The following DOK6 variants were observed in gnomAD, a reference collection of about 807,000 sequenced individuals.
The protein encoded by DOK6 is docking protein 6.
A neutral mutation model predicts 44.0 loss-of-function variants in DOK6; 22 were observed. The ratio of observed to expected loss-of-function variants is 0.50; its 90% CI spans 0.36 to 0.71. DOK6 has a LOEUF of 0.71. Ranked by LOEUF, DOK6 falls within the 30% of genes least tolerant of loss-of-function variation. The pLI is 0.00. For missense variants in DOK6, 340 were observed against 416.4 expected (o/e 0.82, Z 1.60); for synonymous variants, 166 against 145.5 (o/e 1.14, Z -1.01).
At chr18:69,612,680 TCTCTA>T (rs994702909) in intron 3 of DOK6, among the ~76,000 whole-genome samples, 2 of 150,910 alleles carry the variant, frequency 1.3e-5, no homozygotes, top group Non-Finnish European at 3.0e-5. Context: ...GTTCACGGTC[TCTCTA>T]CTCTGGCAGA....
rs146260182 is a variant in DOK6 at position 69,436,789 on chromosome 18, G to A, written c.66+35479G>A. Among the ~76,000 whole-genome samples, 15 of 152,264 alleles carry A rather than the reference G, an allele frequency of 9.9e-5. 1 individual carries two copies. The East Asian group carries it at 1.3e-3, about 14-fold the overall frequency. On this transcript the variant is annotated intron_variant, in intron 1 of 7. Transcript: ENST00000382713. ...ACACTCCCACCAACAGTGTGAAAGC[G>A]TTCATATTTCTCCACATCCTCTCCA... is the stretch of plus-strand genomic sequence containing the variant.
chr18:69,661,060 A>C (rs2144671889), intron 3 of DOK6: 1 of 152,306 alleles, frequency 6.6e-6, no homozygotes, highest in Admixed American at 6.5e-5. Flanking sequence ...ACATGTCAAA[A>C]CTCAGCAAAT....
intron 7 of DOK6, among the ~76,000 whole-genome samples, chr18:69,770,705 T>C (rs1324504566): frequency 6.6e-6 from 1 of 152,164 alleles, no homozygotes; most frequent in Non-Finnish European, 1.5e-5. Context: ...CTTTTCATTA[T>C]TGCTTTTCCA....
intron 1 of DOK6, among the ~76,000 whole-genome samples, chr18:69,497,590 T>C (rs558542305): frequency 2.0e-5 from 3 of 152,346 alleles, no homozygotes; most frequent in Admixed American, 6.5e-5. Flanking sequence ...GAACTCCAAG[T>C]TGATAGTCAT....
chr18:69,436,888 C>T (rs1207028647), intron 1 of DOK6, among the ~76,000 whole-genome samples: 2 of 152,088 alleles, frequency 1.3e-5, no homozygotes, highest in Admixed American at 1.3e-4. Context: ...TGTGGTTTTG[C>T]TTTGCATTTC....
chr18:69,742,935 T>C (rs1978854975), intron 6 of DOK6, among the ~76,000 whole-genome samples: 1 of 152,238 alleles, frequency 6.6e-6, no homozygotes, highest in African/African-American at 2.4e-5. Flanking sequence ...AATCAACTTA[T>C]TGGAGTCGGC....
chr18:69,406,540 A>G (rs145771937), intron 1 of DOK6, among the ~76,000 whole-genome samples: 57 of 152,364 alleles, frequency 3.7e-4, no homozygotes, highest in African/African-American at 1.4e-3. Context: ...TTATCTTGAT[A>G]GATTTACAGA....
chr18:69,494,490 CA>C (rs1290189224), intron 1 of DOK6, among the ~76,000 whole-genome samples: 2 of 132,550 alleles, frequency 1.5e-5, no homozygotes, highest in East Asian at 4.0e-4. Context: ...AACAAACAAA[CA>C]AAAAAAAAGT....
At chr18:69,694,556 A>T (rs1317452958) in intron 4 of DOK6, among the ~76,000 whole-genome samples, 1 of 151,862 alleles carries the variant, frequency 6.6e-6, no homozygotes, top group Non-Finnish European at 1.5e-5. Flanking sequence ...CATATTAGCT[A>T]ATATGGGACT....
intron 1 of DOK6, among the ~76,000 whole-genome samples, chr18:69,508,962 T>G (rs528300562): frequency 6.6e-6 from 1 of 152,330 alleles, no homozygotes; most frequent in South Asian, 2.1e-4. Flanking sequence ...AAAAGCAAAT[T>G]ATATATTTTG....
chr18:69,446,635 G>C (rs1159897354), intron 1 of DOK6, among the ~76,000 whole-genome samples: 1 of 152,166 alleles, frequency 6.6e-6, no homozygotes, highest in East Asian at 1.9e-4. Context: ...TTGCCACACT[G>C]TCTTCCACAA....
chr18:69,585,959 G>C (rs1236329738), intron 2 of DOK6, among the ~76,000 whole-genome samples: 1 of 152,182 alleles, frequency 6.6e-6, no homozygotes, highest in African/African-American at 2.4e-5. Context: ...TTAAGGCAAT[G>C]ATCTCTCAAG....
At chr18:69,840,238 A>T (rs1982176903) in intron 7 of DOK6, among the ~76,000 whole-genome samples, 1 of 152,272 alleles carries the variant, frequency 6.6e-6, no homozygotes, top group African/African-American at 2.4e-5. Flanking sequence ...AGGCGATCAG[A>T]TGACACACAA....
At chr18:69,476,169 G>A (rs1008130957) in intron 1 of DOK6, among the ~76,000 whole-genome samples, 2 of 152,110 alleles carry the variant, frequency 1.3e-5, no homozygotes, top group South Asian at 4.1e-4. Context: ...CTGTTTCTGC[G>A]TTAATTCACT....
chr18:69,711,509 TG>T (rs1465710631), intron 5 of DOK6, among the ~76,000 whole-genome samples: 2 of 152,242 alleles, frequency 1.3e-5, no homozygotes, highest in African/African-American at 4.8e-5. Context: ...ATCATTTCTT[TG>T]GAAAATCAGC....
In DOK6 at chr18:69,575,541, G is replaced by A. The variant is rs1216160933; in HGVS notation, c.174+10947G>A. On this transcript the variant is annotated intron_variant, in intron 2 of 7. Transcript: ENST00000382713. Reference sequence around the variant, plus strand: ...GGTATTTCACAGGTATTTCAATTCCGAGATTATTGAGAGCTACAAATAAAA... The same window carrying A: ...GGTATTTCACAGGTATTTCAATTCCAAGATTATTGAGAGCTACAAATAAAA... 3.9e-5 allele frequency among the ~76,000 whole-genome samples: 6 copies of A among 152,078 alleles called. No homozygotes were observed. The East Asian group carries it at 5.8e-4, about 15-fold the overall frequency.
intron 7 of DOK6, among the ~76,000 whole-genome samples, chr18:69,814,922 T>C (rs1176031167): frequency 6.6e-6 from 1 of 151,680 alleles, no homozygotes; most frequent in East Asian, 1.9e-4. Context: ...AGAGTTTGAG[T>C]GTCCAGATAA....
chr18:69,720,235 C>T (rs1001644159), intron 5 of DOK6, among the ~76,000 whole-genome samples: 1 of 152,080 alleles, frequency 6.6e-6, no homozygotes, highest in Admixed American at 6.5e-5. Context: ...CTAACCAACA[C>T]AAGACTTGCG....
chr18:69,482,240 T>C (rs1980446342), intron 1 of DOK6, among the ~76,000 whole-genome samples: 1 of 152,178 alleles, frequency 6.6e-6, no homozygotes, highest in Non-Finnish European at 1.5e-5. Context: ...AGATCCCATT[T>C]GTCAATTTTG....
Sources: allele counts gnomAD v4.1 joint callset (sites outside exome capture counted in the v4.1 genomes callset), GRCh38; gene constraint gnomAD v4.1.1; transcripts MANE v1.5; gene names NCBI Gene and HGNC (gene_info 2026-07-23, HGNC 2026-07-21).